Variants in NRDC observed in about 807,000 individuals in gnomAD.
NRDC encodes the protein nardilysin convertase, also known as nardilysin.
A neutral mutation model predicts 147.1 loss-of-function variants in NRDC; 54 were observed. That is an observed-to-expected ratio of 0.37 (90% CI 0.29 to 0.46). The LOEUF (loss-of-function observed/expected upper bound fraction) is 0.46, where lower values mean the gene tolerates loss of function less well. NRDC is among the 20% of genes least tolerant of loss of function. The pLI is 1.00. For missense variants in NRDC, 1,082 were observed against 1,370.6 expected, an observed-to-expected ratio of 0.79 and a Z score of 3.33; for synonymous variants, 440 against 482.1, an observed-to-expected ratio of 0.91 and a Z score of 1.14.
At chr1:51,838,874 C>A (rs1046299986) in intron 2 of NRDC, among the ~76,000 whole-genome samples, 1 of 151,848 alleles carries the variant, frequency 6.6e-6, no homozygotes, top group African/African-American at 2.4e-5. Flanking sequence ...ATATATATAC[C>A]TTTTTTTCCC....
intron 26 of NRDC, 90 bp downstream of exon 26, chr1:51,791,956 C>A: frequency 3.0e-6 from 4 of 1,340,304 alleles, no homozygotes; most frequent in Non-Finnish European, 4.3e-6. Flanking sequence ...GAAGCTCTAA[C>A]AGGCTGCTCA....
chr1:51,863,901 T>C (rs1334696690), intron 1 of NRDC, among the ~76,000 whole-genome samples: 1 of 152,218 alleles, frequency 6.6e-6, no homozygotes, highest in Admixed American at 6.5e-5. Context: ...GTTGAAAATA[T>C]TGTAAATTGA....
chr1:51,794,668 T>G, intron 23 of NRDC, 58 bp from the exon 24 acceptor site: 1 of 1,600,400 alleles, frequency 6.2e-7, no homozygotes, highest in Admixed American at 1.7e-5. Flanking sequence ...AAGCTAGGCC[T>G]TCTAACTTTT....
chr1:51,806,846 A>C lies in NRDC; in HGVS notation c.2058T>G (p.Thr686=), dbSNP rs762973971. The C allele has an allele frequency of 1.2e-6, 2 of 1,614,110 alleles. No homozygotes were observed. The highest frequency in any genetic ancestry group is 3.3e-5 in the Admixed American group (2 of 60,014). ...TCTTATACCACAGGCAACCTTGTGGAGTATTCACAATTTTAACTGGGTATT... is the reference window on the plus strand; with the variant it reads ...TCTTATACCACAGGCAACCTTGTGGCGTATTCACAATTTTAACTGGGTATT... The part of the protein sequence containing the change: ...ETEYPVKIVN[T]PQGCLWYKKD... Residue 686 remains threonine, a synonymous_variant, in exon 18 of 31, where the codon ACT becomes ACG. Transcript: ENST00000352171.
At chr1:51,814,295 T>A in intron 13 of NRDC, 2 of 568,258 alleles carry the variant, frequency 3.5e-6, no homozygotes, top group Non-Finnish European at 6.2e-6. Context: ...GAACCTAGAA[T>A]AAAAGTTTAA....
chr1:51,823,638 C>T (rs368113510), intron 7 of NRDC, 26 bp downstream of exon 7: 13 of 1,594,502 alleles, frequency 8.2e-6, no homozygotes, highest in African/African-American at 5.4e-5. Context: ...TTCAAGGTAA[C>T]TCTAAGAGCC....
At chr1:51,874,221 G>A (rs998088268) in intron 1 of NRDC, among the ~76,000 whole-genome samples, 6 of 149,196 alleles carry the variant, frequency 4.0e-5, no homozygotes, top group South Asian at 2.1e-4. Flanking sequence ...GTCTTTTTAC[G>A]AGCAGGTTAA....
chr1:51,877,868 T>G (rs576525093), intron 1 of NRDC: 144 of 269,520 alleles, frequency 5.3e-4, no homozygotes, highest in African/African-American at 3.2e-3. Context: ...ATCACTTAAG[T>G]GTCCCTCAAA....
intron 1 of NRDC, among the ~76,000 whole-genome samples, chr1:51,850,047 C>T (rs932128931): frequency 2.6e-5 from 4 of 151,316 alleles, no homozygotes; most frequent in Non-Finnish European, 1.5e-5. Flanking sequence ...GTTGGTGGTG[C>T]GTGCCTGTAA....
chr1:51,874,404 G>T (rs1382316543), intron 1 of NRDC, among the ~76,000 whole-genome samples: 1 of 152,056 alleles, frequency 6.6e-6, no homozygotes, highest in Non-Finnish European at 1.5e-5. Flanking sequence ...ATCATCTGAG[G>T]TCAGGAGTTT....
intron 1 of NRDC, among the ~76,000 whole-genome samples, chr1:51,852,510 A>G (rs1158942938): frequency 2.1e-5 from 2 of 93,840 alleles, no homozygotes; most frequent in Non-Finnish European, 5.3e-5. Context: ...AGGCCTTAAA[A>G]CTATATTTAT....
chr1:51,795,114 A>T (rs1017753074), intron 22 of NRDC: 5 of 1,424,990 alleles, frequency 3.5e-6, no homozygotes, highest in Non-Finnish European at 4.6e-6. Context: ...AACTGGATCA[A>T]ACTTAATTGT....
At chr1:51,859,994 GATCTTGAAAGC>G (rs1247419512) in intron 1 of NRDC, 4 of 201,376 alleles carry the variant, frequency 2.0e-5, no homozygotes, top group African/African-American at 7.1e-5. Flanking sequence ...GGACAAGGGG[GATCTTGAAAGC>G]ATCTTGAAAA....
intron 1 of NRDC, among the ~76,000 whole-genome samples, chr1:51,846,635 C>T (rs1469109338): frequency 2.0e-5 from 3 of 152,196 alleles, no homozygotes; most frequent in Non-Finnish European, 2.9e-5. Context: ...AGTGAAGCTG[C>T]AGACCTTCAG....
At position 51,794,846 on chromosome 1, in the gene NRDC, C is replaced by T. The variant is rs192989014; in HGVS notation, c.2613G>A (p.Met871Ile). The T allele has an allele frequency of 4.6e-4, 738 of 1,614,024 alleles. 6 individuals are homozygous for T. The East Asian group carries it at 0.012, about 25-fold the overall frequency. The change falls in exon 23 of 31, where the codon ATG becomes ATA. Residue 871 changes from methionine to isoleucine, a missense_variant. By Grantham distance (10) the Met-to-Ile change is conservative. This residue lies in a region of NRDC where 635 missense variants were observed against 923.8 expected (regional missense o/e 0.69). Coordinates refer to ENST00000352171, the MANE Select transcript of NRDC (RefSeq NM_001101662.2). ...VQGNVTSTES[M>I]DFLKYVVDKL... ...ACTCAACAACATATTTCAGGAAATC[C>T]ATAGATTCCTAAGAGGCAAAAGAGA...
chr1:51,860,949 TTC>T (rs979902940), intron 1 of NRDC, among the ~76,000 whole-genome samples: 9 of 150,512 alleles, frequency 6.0e-5, no homozygotes, highest in African/African-American at 2.2e-4. Context: ...GTGGTATTAC[TTC>T]TTTTTTTTTT....
chr1:51,825,323 C>T lies in NRDC; in HGVS notation c.1000G>A (p.Ala334Thr). 1.3e-6 allele frequency: 2 copies of T among 1,599,892 alleles called. No individual in the cohort carries two copies. Among genetic ancestry groups the T allele is most frequent in the Non-Finnish European group, 1.7e-6 (2 of 1,176,626 alleles). Reference sequence around the variant, plus strand: ...TTTCCCATAGGATGTCCAGGTCTAGCAAGGCTTCCAAACAACATTTCCTTT... The same window carrying T: ...TTTCCCATAGGATGTCCAGGTCTAGTAAGGCTTCCAAACAACATTTCCTTT... ...NRKEMLFGSLARPGHPMGKFF... is the reference protein window; with the variant it reads ...NRKEMLFGSLTRPGHPMGKFF... The change falls in exon 6 of 31, where the codon GCT becomes ACT. Residue 334 changes from alanine to threonine, a missense_variant. Ala to Thr is a moderately conservative substitution (Grantham distance 58). This residue lies in a region of NRDC where 635 missense variants were observed against 923.8 expected (regional missense o/e 0.69). Coordinates refer to ENST00000352171, the MANE Select transcript of NRDC (RefSeq NM_001101662.2).
At position 51,865,895 on chromosome 1, in the gene NRDC, CA is replaced by C. The variant is rs201176817; in HGVS notation, c.341+12379del. On this transcript the variant is annotated intron_variant, in intron 1 of 30. Transcript: ENST00000352171. ...TGAGACCCCATCTCTACTAAATATACAAAAAAAAAAAAAATTAGCTGGGCAT... is the reference window on the plus strand; with the variant it reads ...TGAGACCCCATCTCTACTAAATATACAAAAAAAAAAAAATTAGCTGGGCAT... 4.0e-3 allele frequency among the ~76,000 whole-genome samples: 518 copies of C among 130,960 alleles called. 3 individuals are homozygous for C. Among genetic ancestry groups the C allele is most frequent in the East Asian group, 0.011 (52 of 4,598 alleles). 85.9% of individuals were successfully genotyped at this position (130,960 alleles called of 152,430 possible).
chr1:51,874,662 C>T (rs34195790), intron 1 of NRDC, among the ~76,000 whole-genome samples: 6,863 of 152,070 alleles, frequency 0.045, 189 homozygotes, highest in Middle Eastern at 0.065. Context: ...CTAATCCTGC[C>T]CAACCAGAAT....
Sources: gnomAD v4.1 joint callset for allele counts (sites outside exome capture counted in the v4.1 genomes callset) on GRCh38, gnomAD v4.1.1 for gene constraint, gnomAD v4.1.1 regional missense constraint, MANE v1.5 for transcripts, NCBI Gene and HGNC (gene_info 2026-07-23, HGNC 2026-07-21) for gene names.